The following ACTN4 variants were observed in gnomAD, a reference collection of about 807,000 sequenced individuals.
The protein encoded by ACTN4 is alpha-actinin-4.
A neutral mutation model predicts 114.2 loss-of-function variants in ACTN4; 18 were observed. The ratio of observed to expected loss-of-function variants is 0.16; its 90% CI spans 0.11 to 0.23. The LOEUF (loss-of-function observed/expected upper bound fraction) is 0.23, where lower values mean the gene tolerates loss of function less well. Ranked by LOEUF, ACTN4 falls within the 10% of genes least tolerant of loss-of-function variation. The pLI, the probability that ACTN4 is intolerant of heterozygous loss-of-function variation, is 1.00. For synonymous variants in ACTN4, 515 were observed against 506.3 expected (o/e 1.02, Z -0.23); for missense variants, 722 against 1,262.9 (o/e 0.57, Z 6.49).
intron 8 of ACTN4, among the ~76,000 whole-genome samples, chr19:38,713,211 C>T (rs570992345): frequency 1.8e-4 from 28 of 152,360 alleles, no homozygotes; most frequent in African/African-American, 6.7e-4. Context: ...CGAAGCGTTC[C>T]CGCCTCGTTC....
In ACTN4 at chr19:38,728,977, C is replaced by T. The variant is rs1969370536; in HGVS notation, c.2419-19C>T. ...CCCACTAAATGTCGGGTGTCCCCCA[C>T]CCCACCCTCTCCTTGCAGGGTGAGG... On this transcript the variant is annotated intron_variant, in intron 19 of 20. Coordinates refer to ENST00000252699, the MANE Select transcript of ACTN4 (RefSeq NM_004924.6). The T allele has an allele frequency of 1.2e-6, 2 of 1,612,058 alleles. No individual in the cohort carries two copies. The highest frequency in any genetic ancestry group is 1.1e-5 in the South Asian group (1 of 91,032).
At chr19:38,728,713 T>C (rs1338595592) in intron 19 of ACTN4, among the ~76,000 whole-genome samples, 2 of 152,186 alleles carry the variant, frequency 1.3e-5, no homozygotes, top group Non-Finnish European at 2.9e-5. Context: ...CTGAGGGCAG[T>C]AGACCCCAGT....
intron 1 of ACTN4, among the ~76,000 whole-genome samples, chr19:38,656,741 A>G (rs2144834227): frequency 6.6e-6 from 1 of 152,340 alleles, no homozygotes; most frequent in Non-Finnish European, 1.5e-5. Context: ...AGGCAGGAAT[A>G]AAGAAGACTT....
Position 38,731,394 on chromosome 19 carries a change from T to C in ACTN4, c.*1962T>C, listed in dbSNP as rs1969596369. ...TGATCCCTTCAATCCTCTGGGCCTG[T>C]TTCCTCATCCATCAAACGGACTAAG... On this transcript the variant is annotated 3_prime_UTR_variant, in exon 21 of 21. Transcript: ENST00000252699. 1 of 627,464 alleles carries C rather than the reference T, an allele frequency of 1.6e-6. No homozygotes were observed. Among genetic ancestry groups the C allele is most frequent in the Non-Finnish European group, 2.9e-6 (1 of 345,830 alleles). 38.9% of individuals were successfully genotyped at this position (627,464 alleles called of 1,614,324 possible).
rs752487743 is a variant in ACTN4 at position 38,724,517 on chromosome 19, C to T, written c.1962C>T (p.Phe654=). The T allele has an allele frequency of 8.1e-6, 13 of 1,613,256 alleles. No homozygotes were observed. Among genetic ancestry groups the T allele is most frequent in the Non-Finnish European group, 1.0e-5 (12 of 1,179,972 alleles). ...QQSNEHLRRQ[F]ASQANVVGPW... is the part of the protein sequence containing the mutation. ...CCAACGAGCACCTGCGCCGCCAGTT[C>T]GCCAGCCAGGCCAATGTTGTGGGGC... The change falls in exon 16 of 21, where the codon TTC becomes TTT. Residue 654 remains phenylalanine, a synonymous_variant. Coordinates refer to ENST00000252699, the MANE Select transcript of ACTN4 (RefSeq NM_004924.6). The surrounding 1 kb of genome is among the most constrained non-coding windows in gnomAD (Gnocchi z 7.0).
At chr19:38,668,181 C>T (rs1364198247) in intron 1 of ACTN4, among the ~76,000 whole-genome samples, 1 of 152,108 alleles carries the variant, frequency 6.6e-6, no homozygotes, top group African/African-American at 2.4e-5. Flanking sequence ...GTTAGAGTGC[C>T]CCCCTTCCTG....
chr19:38,685,958 C>T (rs1780991152), intron 1 of ACTN4, among the ~76,000 whole-genome samples: 1 of 152,156 alleles, frequency 6.6e-6, no homozygotes, highest in African/African-American at 2.4e-5. Flanking sequence ...GCCCAGTTTA[C>T]GGATCATTTG....
chr19:38,697,189 C>G (rs927711314), intron 1 of ACTN4, among the ~76,000 whole-genome samples: 1 of 152,214 alleles, frequency 6.6e-6, no homozygotes, highest in African/African-American at 2.4e-5. Flanking sequence ...AGCAGCCCCT[C>G]TGAGGACAGG....
chr19:38,718,114 C>T (rs761287376), intron 11 of ACTN4, 40 bp downstream of exon 11: 2 of 1,574,642 alleles, frequency 1.3e-6, no homozygotes, highest in Admixed American at 3.7e-5. Context: ...AGCCCCGCTC[C>T]CGTGCTCCCC....
In ACTN4 at chr19:38,721,637, C is replaced by T. The variant is rs1364900733; in HGVS notation, c.1391C>T (p.Ala464Val). 5 of 1,614,024 alleles carry T rather than the reference C, an allele frequency of 3.1e-6. No homozygotes were observed. The change falls in exon 12 of 21, where the codon GCT becomes GTT. Residue 464 changes from alanine to valine, a missense_variant. Ala to Val is a moderately conservative substitution (Grantham distance 64). Coordinates refer to ENST00000252699, the MANE Select transcript of ACTN4 (RefSeq NM_004924.6). ...CACGAGGCCTTCGAGAGCGACCTGG[C>T]TGCGCACCAGGACCGCGTGGAGCAG... Reference protein sequence around the residue: ...RKHEAFESDLAAHQDRVEQIA... With the variant: ...RKHEAFESDLVAHQDRVEQIA...
At chr19:38,659,925 T>TTTG (rs1976830505) in intron 1 of ACTN4, among the ~76,000 whole-genome samples, 1 of 150,782 alleles carries the variant, frequency 6.6e-6, no homozygotes, top group East Asian at 1.9e-4. Context: ...TATGATCTTT[T>TTTG]TTTTTTTTTT....
At position 38,730,139 on chromosome 19, in the gene ACTN4, A is replaced by G. The variant is rs1424099934; in HGVS notation, c.*707A>G. On this transcript the variant is annotated 3_prime_UTR_variant, in exon 21 of 21. Transcript: ENST00000252699. ...ACAAAACAACAAAAACCAAAAAAAA[A>G]AAAAATCACAAAAACAAAAAAACTA... 6.5e-6 allele frequency: 1 copy of G among 154,262 alleles called. No individual in the cohort carries two copies. The highest frequency in any genetic ancestry group is 1.9e-4 in the East Asian group (1 of 5,218). The allele number at this position is 154,262 out of a possible 1,614,324, so 9.6% of individuals were successfully genotyped here.
intron 1 of ACTN4, among the ~76,000 whole-genome samples, chr19:38,653,733 G>T (rs1976633988): frequency 6.6e-6 from 1 of 152,136 alleles, no homozygotes; most frequent in African/African-American, 2.4e-5. Context: ...AAGCACTCGT[G>T]TTACTTTTAA....
intron 1 of ACTN4, among the ~76,000 whole-genome samples, chr19:38,696,364 C>T (rs12971309): frequency 6.6e-6 from 1 of 152,028 alleles, no homozygotes; most frequent in Non-Finnish European, 1.5e-5. Flanking sequence ...GTCGGCTGCC[C>T]ACATTCTGAG....
At chr19:38,701,158 T>A in intron 3 of ACTN4, 37 bp downstream of exon 3, 1 of 1,612,718 alleles carries the variant, frequency 6.2e-7, no homozygotes, top group Non-Finnish European at 8.5e-7. Context: ...TCCTGCTCGG[T>A]TTCTGACCTT....
chr19:38,717,848 C>T lies in ACTN4; in HGVS notation c.1144-79C>T, dbSNP rs969616071. The T allele has an allele frequency of 4.5e-6, 7 of 1,539,244 alleles. No individual in the cohort carries two copies. The highest frequency in any genetic ancestry group is 2.2e-4 in the Middle Eastern group (1 of 4,492). ...CCCCAGCCAAGTTCTGCCACCTTCC[C>T]ATCAGCATCCCTTGGAGACATCCCC... On this transcript the variant is annotated intron_variant, in intron 10 of 20. Transcript: ENST00000252699. The surrounding 1 kb of genome is among the most constrained non-coding windows in gnomAD (Gnocchi z 4.0).
chr19:38,653,867 C>T (rs182840265), intron 1 of ACTN4, among the ~76,000 whole-genome samples: 6 of 152,246 alleles, frequency 3.9e-5, no homozygotes, highest in South Asian at 2.1e-4. Flanking sequence ...ACAAGAGAGA[C>T]GGAAGCTTCT....
chr19:38,712,446 C>T (rs943422258), intron 8 of ACTN4, among the ~76,000 whole-genome samples: 3 of 152,178 alleles, frequency 2.0e-5, no homozygotes, highest in Admixed American at 6.5e-5. Flanking sequence ...GGGCGTGAAA[C>T]GAGCTCCTGC....
intron 1 of ACTN4, among the ~76,000 whole-genome samples, chr19:38,670,442 T>A (rs941860083): frequency 6.6e-6 from 1 of 152,102 alleles, no homozygotes; most frequent in Non-Finnish European, 1.5e-5. Flanking sequence ...CTGGTTCTCT[T>A]CTCCTGGGGC....
Sources: gnomAD v4.1 joint callset for allele counts (sites outside exome capture counted in the v4.1 genomes callset) on GRCh38, gnomAD v4.1.1 for gene constraint, Gnocchi (gnomAD v3.1) non-coding constraint, MANE v1.5 for transcripts, NCBI Gene and HGNC (gene_info 2026-07-23, HGNC 2026-07-21) for gene names.